Variants in CTNNA2 observed in about 807,000 individuals in gnomAD.
CTNNA2 encodes the protein catenin alpha 2, also known as catenin alpha-2.
CTNNA2 carries 42 observed loss-of-function variants against 101.0 expected under a neutral mutation model. The ratio of observed to expected loss-of-function variants is 0.42; its 90% confidence interval spans 0.32 to 0.54. The LOEUF is 0.54. CTNNA2 is among the 20% of genes least tolerant of loss of function. CTNNA2 has a pLI of 0.14. For synonymous variants in CTNNA2, 450 were observed against 456.4 expected (o/e 0.99, Z 0.18); for missense variants, 871 against 1,223.1 (o/e 0.71, Z 4.29).
intron 9 of CTNNA2, among the ~76,000 whole-genome samples, chr2:80,544,172 G>C (rs918960695): frequency 6.6e-6 from 1 of 151,914 alleles, no homozygotes; most frequent in Non-Finnish European, 1.5e-5. Flanking sequence ...TGAATGTCTT[G>C]CTTCCCCTTC....
chr2:80,456,412 G>A (rs1683981974), intron 9 of CTNNA2, among the ~76,000 whole-genome samples: 2 of 152,182 alleles, frequency 1.3e-5, no homozygotes, highest in African/African-American at 4.8e-5. Context: ...AACTGATGTA[G>A]TCTCAGTACA....
chr2:80,142,526 T>A (rs1451993132), intron 7 of CTNNA2, among the ~76,000 whole-genome samples: 1 of 152,192 alleles, frequency 6.6e-6, no homozygotes, highest in Admixed American at 6.5e-5. Flanking sequence ...AAAGAAGACG[T>A]AATGAAGCTG....
chr2:80,398,114 A>G (rs1678197121), intron 8 of CTNNA2, among the ~76,000 whole-genome samples: 1 of 152,166 alleles, frequency 6.6e-6, no homozygotes, highest in Non-Finnish European at 1.5e-5. Flanking sequence ...GGTTCATTGG[A>G]TTCTCTTTTT....
intron 7 of CTNNA2, among the ~76,000 whole-genome samples, chr2:79,934,377 A>G (rs1047925712): frequency 2.6e-5 from 4 of 152,244 alleles, no homozygotes; most frequent in South Asian, 2.1e-4. Flanking sequence ...TAATTTGCCT[A>G]CTTTTAAAAT....
intron 2 of CTNNA2, among the ~76,000 whole-genome samples, chr2:79,740,936 G>A (rs1671247388): frequency 6.6e-6 from 1 of 152,028 alleles, no homozygotes; most frequent in Non-Finnish European, 1.5e-5. Flanking sequence ...AATTTTAGGT[G>A]TAAATATAGG....
chr2:80,493,943 C>T (rs1413867417), intron 9 of CTNNA2, among the ~76,000 whole-genome samples: 1 of 152,122 alleles, frequency 6.6e-6, no homozygotes, highest in African/African-American at 2.4e-5. Flanking sequence ...ATAATTTTCA[C>T]CTTTGTAAAC....
intron 7 of CTNNA2, among the ~76,000 whole-genome samples, chr2:80,371,503 T>TAC (rs55947840): frequency 0.25 from 37,779 of 148,178 alleles, 4,986 homozygotes; most frequent in East Asian, 0.4. Flanking sequence ...GTGCAGTGCA[T>TAC]ACACACACAC....
chr2:79,279,061 C>T (rs890800886), intron 2 of CTNNA2, among the ~76,000 whole-genome samples: 2 of 152,060 alleles, frequency 1.3e-5, no homozygotes, highest in African/African-American at 4.8e-5. Flanking sequence ...GATTCATAAG[C>T]ATTTGTTGTG....
At chr2:79,524,852 G>A (rs1308459965) in intron 1 of CTNNA2, 1 of 150,302 alleles carries the variant, frequency 6.7e-6, no homozygotes. Context: ...AATTTCATAT[G>A]TTCACTTCCA....
chr2:80,364,134 G>T (rs1051831249), intron 7 of CTNNA2, among the ~76,000 whole-genome samples: 4 of 152,060 alleles, frequency 2.6e-5, no homozygotes, highest in Non-Finnish European at 4.4e-5. Context: ...CTTCCTTTCA[G>T]GTCCTCGGAG....
At chr2:80,012,714 C>A (rs1264925981) in intron 7 of CTNNA2, among the ~76,000 whole-genome samples, 1 of 152,178 alleles carries the variant, frequency 6.6e-6, no homozygotes. Context: ...GATTCCTCTT[C>A]TAGCTTATAG....
intron 1 of CTNNA2, among the ~76,000 whole-genome samples, chr2:79,627,677 T>C (rs1679411484): frequency 6.6e-6 from 1 of 152,220 alleles, no homozygotes; most frequent in Non-Finnish European, 1.5e-5. Context: ...ATAGTGTACT[T>C]TTACAGTTGA....
intron 7 of CTNNA2, among the ~76,000 whole-genome samples, chr2:80,124,538 C>T (rs1224254422): frequency 6.6e-6 from 1 of 152,014 alleles, no homozygotes. Context: ...AGAATATATC[C>T]TCATTTTTTT....
chr2:80,050,151 C>T (rs769687701), intron 7 of CTNNA2, among the ~76,000 whole-genome samples: 1 of 152,158 alleles, frequency 6.6e-6, no homozygotes, highest in Non-Finnish European at 1.5e-5. Context: ...ATAGCTACAT[C>T]AGAGTATTAC....
chr2:80,511,356 G>T (rs531774143), intron 9 of CTNNA2, among the ~76,000 whole-genome samples: 19 of 152,278 alleles, frequency 1.2e-4, no homozygotes, highest in African/African-American at 3.6e-4. Flanking sequence ...CAACTGTGAG[G>T]CTACCTCTAG....
chr2:79,923,605 C>T (rs1019477416), intron 7 of CTNNA2, among the ~76,000 whole-genome samples: 1 of 152,130 alleles, frequency 6.6e-6, no homozygotes, highest in African/African-American at 2.4e-5. Context: ...TATAAAATCT[C>T]TTTTGGCAAC....
intron 7 of CTNNA2, among the ~76,000 whole-genome samples, chr2:80,191,180 C>A (rs1706476050): frequency 6.6e-6 from 1 of 152,060 alleles, no homozygotes; most frequent in African/African-American, 2.4e-5. Flanking sequence ...AGGAAATTTG[C>A]AATTTGCCAA....
intron 7 of CTNNA2, among the ~76,000 whole-genome samples, chr2:80,005,146 G>T (rs1353421140): frequency 6.6e-6 from 1 of 152,320 alleles, no homozygotes; most frequent in Non-Finnish European, 1.5e-5. Flanking sequence ...GTGCTGGATT[G>T]CAGGAAATCT....
chr2:79,812,065 T>C (rs1677084713), intron 3 of CTNNA2, among the ~76,000 whole-genome samples: 1 of 152,232 alleles, frequency 6.6e-6, no homozygotes, highest in East Asian at 1.9e-4. Context: ...TGTGCATGTA[T>C]GCATGTATGC....
Sources: allele counts gnomAD v4.1 joint callset (sites outside exome capture counted in the v4.1 genomes callset), GRCh38; gene constraint gnomAD v4.1.1; transcripts MANE v1.5; gene names NCBI Gene and HGNC (gene_info 2026-07-23, HGNC 2026-07-21).